The following FAT3 variants were observed in gnomAD, a reference collection of about 807,000 sequenced individuals.
The protein encoded by FAT3 is protocadherin Fat 3.
Under a neutral mutation model 310.2 loss-of-function variants are expected in FAT3, and 95 were observed. The ratio of observed to expected loss-of-function variants is 0.31; its 90% CI spans 0.26 to 0.36. The LOEUF (loss-of-function observed/expected upper bound fraction) is 0.36, where lower values mean the gene tolerates loss of function less well. Ranked by LOEUF, FAT3 falls within the 10% of genes least tolerant of loss-of-function variation. The pLI is 1.00. For synonymous variants in FAT3, 2,314 were observed against 2,192.9 expected (o/e 1.06, Z -1.54); for missense variants, 5,408 against 5,715.6 (o/e 0.95, Z 1.74).
At chr11:92,244,964 C>T (rs12576325) in intron 1 of FAT3, among the ~76,000 whole-genome samples, 33,642 of 151,850 alleles carry the variant, frequency 0.22, 3,839 homozygotes, top group East Asian at 0.38. Context: ...CTAGAAATAC[C>T]ATCTGACCCA....
At chr11:92,436,247 C>G (rs1014121776) in intron 2 of FAT3, among the ~76,000 whole-genome samples, 1 of 152,130 alleles carries the variant, frequency 6.6e-6, no homozygotes, top group Non-Finnish European at 1.5e-5. Flanking sequence ...TCAATCAGTA[C>G]TCCCACGTCA....
chr11:92,595,724 T>C (rs1939669484), intron 3 of FAT3, among the ~76,000 whole-genome samples: 1 of 152,236 alleles, frequency 6.6e-6, no homozygotes, highest in Non-Finnish European at 1.5e-5. Flanking sequence ...ATTGGTAGTG[T>C]ATCAGGCATT....
At chr11:92,890,400 A>C in intron 27 of FAT3, 91 bp from the exon 28 acceptor site, 1 of 1,437,898 alleles carries the variant, frequency 7.0e-7, no homozygotes, top group South Asian at 1.4e-5. Context: ...GATGCTAAAA[A>C]TTGCATGTCA....
intron 7 of FAT3, among the ~76,000 whole-genome samples, chr11:92,780,169 T>TC (rs1162193203): frequency 1.3e-5 from 2 of 149,944 alleles, no homozygotes; most frequent in Non-Finnish European, 3.0e-5. Flanking sequence ...TTTTCTTTTT[T>TC]TTTTTTTTCC....
In FAT3 at chr11:92,352,345, A is replaced by G. The variant is rs752550024; in HGVS notation, c.233A>G (p.Asp78Gly). 8 of 1,586,976 alleles carry G rather than the reference A, an allele frequency of 5.0e-6. 1 individual carries two copies. The South Asian group carries it at 7.8e-5, about 15-fold the overall frequency. The change falls in exon 2 of 28, where the codon GAT becomes GGT. Residue 78 changes from aspartate to glycine, a missense_variant. Around this residue, in one of 5 missense-constraint regions of FAT3, gnomAD observed 152 missense variants for 188.3 expected, o/e 0.81. Coordinates refer to ENST00000525166, the MANE Select transcript of FAT3 (RefSeq NM_001367949.2). Reference protein sequence around the residue: ...MGITLIDLSWDIKYRIVSGDE... With the variant: ...MGITLIDLSWGIKYRIVSGDE... The stretch of plus-strand genomic sequence containing the variant: ...ATCACCTTAATAGATCTATCCTGGG[A>G]TATCAAATACAGAATAGTGTCCGGA...
chr11:92,636,527 T>C (rs1800660630), intron 3 of FAT3, among the ~76,000 whole-genome samples: 1 of 152,194 alleles, frequency 6.6e-6, no homozygotes, highest in African/African-American at 2.4e-5. Flanking sequence ...ATCTTAATTG[T>C]TGGGCAGTGA....
intron 2 of FAT3, among the ~76,000 whole-genome samples, chr11:92,365,545 C>G (rs1466726262): frequency 1.3e-5 from 2 of 152,092 alleles, no homozygotes; most frequent in African/African-American, 4.8e-5. Flanking sequence ...TGTTATGGAG[C>G]TTTGCACTGA....
intron 2 of FAT3, among the ~76,000 whole-genome samples, chr11:92,376,155 G>C (rs546132076): frequency 6.6e-6 from 1 of 152,256 alleles, no homozygotes; most frequent in East Asian, 1.9e-4. Context: ...TAAAGAGTTT[G>C]TACCCCTGTA....
chr11:92,489,606 A>G (rs1468234938), intron 2 of FAT3, among the ~76,000 whole-genome samples: 1 of 152,108 alleles, frequency 6.6e-6, no homozygotes, highest in Non-Finnish European at 1.5e-5. Flanking sequence ...AAAAAAAGCA[A>G]AACATCTTTG....
intron 7 of FAT3, among the ~76,000 whole-genome samples, chr11:92,780,186 G>A (rs1288663901): frequency 1.4e-5 from 2 of 139,596 alleles, no homozygotes; most frequent in African/African-American, 5.4e-5. Flanking sequence ...TTCCAGGACA[G>A]GGTCTCACTC....
chr11:92,329,619 T>C (rs1405013052), intron 1 of FAT3, among the ~76,000 whole-genome samples: 2 of 120,988 alleles, frequency 1.7e-5, no homozygotes, highest in Non-Finnish European at 3.5e-5. Flanking sequence ...TAGAATTTTT[T>C]TTTTCTCTTT....
At chr11:92,752,926 C>T (rs1373035880) in intron 4 of FAT3, among the ~76,000 whole-genome samples, 1 of 152,134 alleles carries the variant, frequency 6.6e-6, no homozygotes, top group African/African-American at 2.4e-5. Flanking sequence ...TAAATAAGGA[C>T]TCATTATATA....
intron 3 of FAT3, among the ~76,000 whole-genome samples, chr11:92,672,835 C>T (rs554620915): frequency 6.6e-6 from 1 of 152,240 alleles, no homozygotes; most frequent in South Asian, 2.1e-4. Context: ...AGGCGGAACT[C>T]AGTTAATATT....
At chr11:92,346,200 G>C (rs1948414686) in intron 1 of FAT3, among the ~76,000 whole-genome samples, 1 of 152,124 alleles carries the variant, frequency 6.6e-6, no homozygotes, top group Non-Finnish European at 1.5e-5. Flanking sequence ...CCATGAGAAT[G>C]GTAATTTGGG....
chr11:92,663,875 T>A (rs1008598991), intron 3 of FAT3, among the ~76,000 whole-genome samples: 1 of 152,228 alleles, frequency 6.6e-6, no homozygotes, highest in African/African-American at 2.4e-5. Flanking sequence ...CTTATGTAAC[T>A]TTTAGCATCT....
intron 13 of FAT3, among the ~76,000 whole-genome samples, chr11:92,813,190 G>A (rs1033826619): frequency 3.3e-5 from 5 of 152,140 alleles, no homozygotes; most frequent in African/African-American, 9.7e-5. Flanking sequence ...TTAGCAGCAT[G>A]AGAACGGACT....
intron 3 of FAT3, among the ~76,000 whole-genome samples, chr11:92,553,887 G>A (rs907646203): frequency 4.0e-5 from 6 of 151,278 alleles, no homozygotes; most frequent in Non-Finnish European, 8.8e-5. Flanking sequence ...CTCACTGCAA[G>A]CTCTGCCTAC....
At chr11:92,649,888 T>TAC (rs1942310413) in intron 3 of FAT3, among the ~76,000 whole-genome samples, 2 of 58,704 alleles carry the variant, frequency 3.4e-5, no homozygotes, top group South Asian at 7.6e-4. Context: ...TATATATATA[T>TAC]ATATATATAT....
intron 2 of FAT3, among the ~76,000 whole-genome samples, chr11:92,362,939 A>G (rs893900843): frequency 6.6e-6 from 1 of 152,218 alleles, no homozygotes; most frequent in African/African-American, 2.4e-5. Flanking sequence ...AAGTGAAACC[A>G]GAGGACTGTA....
Sources: gnomAD v4.1 joint callset for allele counts (sites outside exome capture counted in the v4.1 genomes callset) on GRCh38, gnomAD v4.1.1 for gene constraint, gnomAD v4.1.1 regional missense constraint, MANE v1.5 for transcripts, NCBI Gene and HGNC (gene_info 2026-07-23, HGNC 2026-07-21) for gene names.